The following AATF variants were observed in gnomAD, a reference collection of about 807,000 sequenced individuals.
AATF encodes apoptosis antagonizing transcription factor, also known as protein AATF.
Under a neutral mutation model 63.7 loss-of-function variants are expected in AATF, and 48 were observed. The observed-to-expected ratio is 0.75, with a 90% confidence interval of 0.60 to 0.96. AATF has a LOEUF of 0.96. Among genes scored for constraint, AATF ranks in the 40% least tolerant of loss-of-function variants. AATF has a pLI of 0.00. For synonymous variants in AATF, 258 were observed against 247.7 expected (o/e 1.04, Z -0.39); for missense variants, 639 against 685.7 (o/e 0.93, Z 0.76).
intron 10 of AATF, among the ~76,000 whole-genome samples, chr17:37,027,962 A>C (rs905650223): frequency 2.0e-4 from 31 of 152,352 alleles, no homozygotes; most frequent in African/African-American, 7.2e-4. Context: ...AAGGACATTA[A>C]AAGATATATT....
At chr17:36,958,400 T>C (rs8080083) in intron 4 of AATF, among the ~76,000 whole-genome samples, 8,115 of 152,082 alleles carry the variant, frequency 0.053, 715 homozygotes, top group African/African-American at 0.19. Context: ...CTCCTGATCT[T>C]GTGATCCACC....
chr17:36,950,184 T>A (rs2070842034), intron 1 of AATF, 30 bp from the exon 2 acceptor site: 1 of 1,603,516 alleles, frequency 6.2e-7, no homozygotes, highest in African/African-American at 1.3e-5. Context: ...AACCTGGAGA[T>A]TCTGTTTACT....
At chr17:37,017,419 G>A (rs1230460231) in intron 8 of AATF, among the ~76,000 whole-genome samples, 1 of 151,556 alleles carries the variant, frequency 6.6e-6, no homozygotes, top group Non-Finnish European at 1.5e-5. Flanking sequence ...TTTCTGCTTA[G>A]CCTTAAGGGC....
chr17:36,982,907 T>C (rs1180514126), intron 4 of AATF, among the ~76,000 whole-genome samples: 2 of 152,236 alleles, frequency 1.3e-5, no homozygotes, highest in Non-Finnish European at 2.9e-5. Context: ...TCTATGAATT[T>C]AATGATTTTA....
intron 11 of AATF, chr17:37,034,697 T>C (rs1180654952): frequency 6.6e-6 from 1 of 152,124 alleles, no homozygotes; most frequent in Admixed American, 6.5e-5. Flanking sequence ...ACAAAGTTAA[T>C]AGGTAAATGA....
intron 11 of AATF, among the ~76,000 whole-genome samples, chr17:37,048,363 CTTTTTTTTTTTTTTT>C (rs60374815): frequency 2.8e-5 from 2 of 70,844 alleles, no homozygotes. Context: ...TTTTTCTTTT[CTTTTTTTTTTTTTTT>C]TTTTTTTTTT....
intron 4 of AATF, among the ~76,000 whole-genome samples, chr17:36,985,397 A>G (rs1597712991): frequency 6.8e-6 from 1 of 146,792 alleles, no homozygotes; most frequent in African/African-American, 2.5e-5. Flanking sequence ...GGGCCCCTCC[A>G]CCAAGTAGCT....
At chr17:37,052,456 A>G (rs2071760809) in intron 11 of AATF, 1 of 151,978 alleles carries the variant, frequency 6.6e-6, no homozygotes. Flanking sequence ...GGCTGTGGAC[A>G]TGTTTTGTTT....
chr17:37,002,062 C>T (rs58217540), intron 8 of AATF, among the ~76,000 whole-genome samples: 8,408 of 151,794 alleles, frequency 0.055, 757 homozygotes, highest in African/African-American at 0.19. Context: ...ATTAGCCAGG[C>T]GTGGTGGTGT....
chr17:37,045,391 C>G (rs906344690), intron 11 of AATF: 2 of 152,368 alleles, frequency 1.3e-5, no homozygotes, highest in Non-Finnish European at 2.9e-5. Context: ...GCCATGGGCC[C>G]CAGGGTGTTT....
intron 8 of AATF, among the ~76,000 whole-genome samples, chr17:36,999,396 A>G (rs1313940215): frequency 1.3e-5 from 2 of 152,168 alleles, no homozygotes; most frequent in Non-Finnish European, 2.9e-5. Flanking sequence ...TTAGATTTAA[A>G]TTTTGATTAA....
At chr17:37,033,758 A>G (rs1174848003) in intron 11 of AATF, 1 of 147,148 alleles carries the variant, frequency 6.8e-6, no homozygotes, top group African/African-American at 2.6e-5. Context: ...GTTAGGGCCA[A>G]CATCTCTTGG....
At chr17:37,048,719 C>T (rs911113079) in intron 11 of AATF, among the ~76,000 whole-genome samples, 7 of 152,108 alleles carry the variant, frequency 4.6e-5, no homozygotes, top group Non-Finnish European at 8.8e-5. Flanking sequence ...AGCCCATTCC[C>T]GTGACATACA....
chr17:36,953,315 T>C lies in AATF; in HGVS notation c.694+19T>C, dbSNP rs1459961905. ...CAGATAGGTTTGTACATGGTTTTGC[T>C]GATTGCCTGTTTTTCAAAGTATCTG... On this transcript the variant is annotated intron_variant, in intron 3 of 11. Transcript: ENST00000619387. The C allele has an allele frequency of 6.3e-6, 10 of 1,593,122 alleles. No individual in the cohort carries two copies. Among genetic ancestry groups the C allele is most frequent in the Admixed American group, 3.5e-5 (2 of 56,716 alleles).
At chr17:36,986,040 A>G (rs1308430838) in intron 4 of AATF, among the ~76,000 whole-genome samples, 1 of 152,220 alleles carries the variant, frequency 6.6e-6, no homozygotes, top group African/African-American at 2.4e-5. Context: ...GTATGTGAAC[A>G]GGAACTTTTC....
At chr17:37,025,942 A>C (rs930003022) in intron 10 of AATF, among the ~76,000 whole-genome samples, 5 of 152,224 alleles carry the variant, frequency 3.3e-5, no homozygotes, top group Admixed American at 6.5e-5. Context: ...AGAGAAACAT[A>C]GTGGCTTTGC....
intron 4 of AATF, among the ~76,000 whole-genome samples, chr17:36,966,610 C>T (rs1162169063): frequency 6.6e-6 from 1 of 151,906 alleles, no homozygotes; most frequent in Non-Finnish European, 1.5e-5. Flanking sequence ...TTTAAGGGGT[C>T]TTTTGATTCC....
At chr17:37,018,914 A>AC in intron 8 of AATF, 91 bp from the exon 9 acceptor site, 1 of 1,020,970 alleles carries the variant, frequency 9.8e-7, no homozygotes, top group East Asian at 2.4e-5. Flanking sequence ...TAGAGCTGTC[A>AC]CTATGCCATT....
intron 4 of AATF, 101 bp downstream of exon 4, chr17:36,954,008 C>T (rs922789286): frequency 3.8e-5 from 49 of 1,292,474 alleles, no homozygotes; most frequent in Non-Finnish European, 5.1e-5. Flanking sequence ...GTTTATTGTG[C>T]TTTCTTCTCA....
Sources: allele counts gnomAD v4.1 joint callset (sites outside exome capture counted in the v4.1 genomes callset), GRCh38; gene constraint gnomAD v4.1.1; transcripts MANE v1.5; gene names NCBI Gene and HGNC (gene_info 2026-07-23, HGNC 2026-07-21).